Variants in FCHSD2 observed in about 807,000 individuals in gnomAD.
FCHSD2 encodes the protein FCH and double SH3 domains 2.
FCHSD2 carries 38 observed loss-of-function variants against 108.1 expected under a neutral mutation model. The observed-to-expected ratio is 0.35, with a 90% CI of 0.27 to 0.46. The LOEUF (loss-of-function observed/expected upper bound fraction) is 0.46, where lower values mean the gene tolerates loss of function less well. Ranked by LOEUF, FCHSD2 falls within the 20% of genes least tolerant of loss-of-function variation. FCHSD2 has a pLI of 1.00. For missense variants in FCHSD2, 751 were observed against 897.8 expected, an observed-to-expected ratio of 0.84 and a Z score of 2.09; for synonymous variants, 279 against 314.7, an observed-to-expected ratio of 0.89 and a Z score of 1.20.
intron 12 of FCHSD2, among the ~76,000 whole-genome samples, chr11:72,872,882 G>A (rs921760791): frequency 6.6e-5 from 10 of 152,146 alleles, no homozygotes; most frequent in East Asian, 1.9e-4. Context: ...GTTTTTCAAC[G>A]TGGCTTTATC....
chr11:72,987,842 G>A (rs1308522205), intron 6 of FCHSD2, among the ~76,000 whole-genome samples: 2 of 152,164 alleles, frequency 1.3e-5, no homozygotes, highest in South Asian at 2.1e-4. Context: ...ATTCCCAATG[G>A]ACATCTAATC....
At chr11:72,905,047 C>T (rs1855599809) in intron 9 of FCHSD2, among the ~76,000 whole-genome samples, 1 of 152,144 alleles carries the variant, frequency 6.6e-6, no homozygotes, top group African/African-American at 2.4e-5. Context: ...CTGTAGTGGG[C>T]TGAATGGTAG....
chr11:73,078,168 CAGTCT>C (rs902185956), intron 3 of FCHSD2, among the ~76,000 whole-genome samples: 5 of 152,112 alleles, frequency 3.3e-5, no homozygotes, highest in Non-Finnish European at 7.4e-5. Flanking sequence ...ACCAAAATGT[CAGTCT>C]TTTTAATTTT....
At chr11:72,918,033 A>T (rs1855910288) in intron 9 of FCHSD2, among the ~76,000 whole-genome samples, 1 of 152,216 alleles carries the variant, frequency 6.6e-6, no homozygotes, top group African/African-American at 2.4e-5. Flanking sequence ...CAATCCATGA[A>T]CATTTATTAT....
intron 2 of FCHSD2, among the ~76,000 whole-genome samples, chr11:73,127,333 T>C (rs1860881743): frequency 6.6e-6 from 1 of 152,138 alleles, no homozygotes; most frequent in Non-Finnish European, 1.5e-5. Context: ...TCAAGGAATA[T>C]TGAAAGGACC....
intron 12 of FCHSD2, among the ~76,000 whole-genome samples, chr11:72,882,663 A>G (rs1855113987): frequency 6.6e-6 from 1 of 152,214 alleles, no homozygotes. Flanking sequence ...AATATGTACA[A>G]TTATTTTGTA....
chr11:72,887,922 C>CA (rs1855232370), intron 11 of FCHSD2, among the ~76,000 whole-genome samples: 1 of 152,004 alleles, frequency 6.6e-6, no homozygotes, highest in African/African-American at 2.4e-5. Flanking sequence ...GTTTGTTAAG[C>CA]AACATTACAT....
chr11:72,945,257 T>TTGCGGCAA (rs1856497328), intron 8 of FCHSD2, among the ~76,000 whole-genome samples: 1 of 152,094 alleles, frequency 6.6e-6, no homozygotes, highest in East Asian at 1.9e-4. Context: ...TATCTACAAC[T>TTGCGGCAA]ATCTGATCTT....
At chr11:73,011,112 G>C (rs1269907096) in intron 4 of FCHSD2, among the ~76,000 whole-genome samples, 1 of 152,186 alleles carries the variant, frequency 6.6e-6, no homozygotes, top group Non-Finnish European at 1.5e-5. Context: ...AATGGTGGTA[G>C]AATGTGCTGG....
In FCHSD2 at chr11:72,838,601, C is replaced by T. The variant is rs1167200408; in HGVS notation, c.*190G>A. On this transcript the variant is annotated 3_prime_UTR_variant, in exon 20 of 20. Transcript: ENST00000409418. ...GTAGGAGAAATGACATAGAAAATGA[C>T]AACAAAAAAAAAAGGCACGAAATAT... 3 of 594,260 alleles carry T rather than the reference C, an allele frequency of 5.0e-6. No individual in the cohort carries two copies. The highest frequency in any genetic ancestry group is 6.0e-6 in the Non-Finnish European group (2 of 334,100). 36.8% of individuals were successfully genotyped at this position (594,260 alleles called of 1,614,324 possible).
chr11:73,079,964 T>C (rs939346944), intron 3 of FCHSD2, among the ~76,000 whole-genome samples: 32 of 152,176 alleles, frequency 2.1e-4, no homozygotes, highest in African/African-American at 7.0e-4. Flanking sequence ...TATAGGATTG[T>C]ATAAACAAAA....
chr11:73,026,041 T>C (rs992302569), intron 3 of FCHSD2, among the ~76,000 whole-genome samples: 6 of 152,074 alleles, frequency 3.9e-5, no homozygotes, highest in African/African-American at 1.4e-4. Flanking sequence ...TGTATGTATT[T>C]TGACATAGAG....
intron 3 of FCHSD2, among the ~76,000 whole-genome samples, chr11:73,071,572 G>A (rs966445121): frequency 6.6e-6 from 1 of 151,690 alleles, no homozygotes; most frequent in Non-Finnish European, 1.5e-5. Context: ...ATGGTGGTGT[G>A]TGCCCGTAGT....
chr11:73,080,237 C>T (rs1253576870), intron 3 of FCHSD2, among the ~76,000 whole-genome samples: 1 of 139,342 alleles, frequency 7.2e-6, no homozygotes, highest in Non-Finnish European at 1.5e-5. Context: ...TTCAAGATTA[C>T]ACTAAGCTAT....
chr11:73,002,615 A>C (rs74388037), intron 4 of FCHSD2, among the ~76,000 whole-genome samples: 51 of 152,302 alleles, frequency 3.3e-4, no homozygotes, highest in African/African-American at 1.2e-3. Flanking sequence ...ATGAAAAAGA[A>C]CCATTATAAA....
chr11:72,856,328 C>A (rs901500627), intron 13 of FCHSD2, among the ~76,000 whole-genome samples: 1 of 152,160 alleles, frequency 6.6e-6, no homozygotes, highest in African/African-American at 2.4e-5. Flanking sequence ...GGCTGCCTAG[C>A]TGTCAAGTTC....
chr11:73,023,172 C>A (rs1048410624), intron 3 of FCHSD2, among the ~76,000 whole-genome samples: 1 of 151,976 alleles, frequency 6.6e-6, no homozygotes, highest in Non-Finnish European at 1.5e-5. Flanking sequence ...AACCAAGACA[C>A]ATGAAAGAAA....
At chr11:73,064,863 T>C (rs1429924753) in intron 3 of FCHSD2, among the ~76,000 whole-genome samples, 3 of 152,114 alleles carry the variant, frequency 2.0e-5, no homozygotes, top group East Asian at 1.9e-4. Context: ...AGGCAGTAAT[T>C]AATAGCCTAC....
intron 3 of FCHSD2, among the ~76,000 whole-genome samples, chr11:73,017,281 C>T (rs140633743): frequency 6.6e-6 from 1 of 152,196 alleles, no homozygotes; most frequent in Non-Finnish European, 1.5e-5. Context: ...ACCTGGCCAA[C>T]GTATTACTTT....
Sources: allele counts gnomAD v4.1 joint callset (sites outside exome capture counted in the v4.1 genomes callset), GRCh38; gene constraint gnomAD v4.1.1; transcripts MANE v1.5; gene names NCBI Gene and HGNC (gene_info 2026-07-23, HGNC 2026-07-21).